MRPL48: variants seen among roughly 807,000 people sequenced by gnomAD.
MRPL48 encodes large ribosomal subunit protein mL48.
A neutral mutation model predicts 32.9 loss-of-function variants in MRPL48; 16 were observed. The observed-to-expected ratio is 0.49, with a 90% CI of 0.33 to 0.74. MRPL48 has a LOEUF of 0.74. MRPL48 is among the 30% of genes least tolerant of loss of function. The pLI is 0.02. For synonymous variants in MRPL48, 94 were observed against 89.2 expected, an observed-to-expected ratio of 1.05 and a Z score of -0.31; for missense variants, 206 against 245.3, an observed-to-expected ratio of 0.84 and a Z score of 1.07.
intron 1 of MRPL48, among the ~76,000 whole-genome samples, chr11:73,804,248 A>G (rs1016737208): frequency 2.0e-5 from 3 of 150,426 alleles, no homozygotes; most frequent in Non-Finnish European, 4.4e-5. Context: ...ACAGTGTACT[A>G]TAATAGAGGC....
chr11:73,808,815 C>T (rs1459907379), intron 3 of MRPL48, among the ~76,000 whole-genome samples: 1 of 151,822 alleles, frequency 6.6e-6, no homozygotes, highest in Non-Finnish European at 1.5e-5. Context: ...CCCAGCTACT[C>T]GGGAGGCCGA....
At chr11:73,795,496 T>G (rs1443059440) in intron 1 of MRPL48, among the ~76,000 whole-genome samples, 1 of 151,848 alleles carries the variant, frequency 6.6e-6, no homozygotes, top group African/African-American at 2.4e-5. Flanking sequence ...AAAATATAAT[T>G]CATTTATTAT....
chr11:73,855,738 G>A (rs562080356), intron 5 of MRPL48, among the ~76,000 whole-genome samples: 1 of 152,140 alleles, frequency 6.6e-6, no homozygotes, highest in Admixed American at 6.5e-5. Context: ...CACCTGCCTC[G>A]GCCTCCCAAA....
chr11:73,852,112 G>A (rs1232175400), intron 5 of MRPL48, among the ~76,000 whole-genome samples: 1 of 152,152 alleles, frequency 6.6e-6, no homozygotes, highest in East Asian at 1.9e-4. Flanking sequence ...ATGCCAAAAT[G>A]TACATTAATA....
chr11:73,800,672 C>A (rs990417432), intron 1 of MRPL48, among the ~76,000 whole-genome samples: 1 of 152,080 alleles, frequency 6.6e-6, no homozygotes. Context: ...GATACAGTCC[C>A]AAAATAGATT....
intron 4 of MRPL48, among the ~76,000 whole-genome samples, chr11:73,836,087 C>T (rs1258806613): frequency 6.6e-6 from 1 of 150,778 alleles, no homozygotes. Context: ...GTGTGCACCT[C>T]CATGCCCAGC....
chr11:73,802,775 T>C (rs1411502460), intron 1 of MRPL48, among the ~76,000 whole-genome samples: 3 of 152,040 alleles, frequency 2.0e-5, no homozygotes, highest in African/African-American at 4.8e-5. Flanking sequence ...TCACGGCTTA[T>C]TGCAGCCTCA....
intron 3 of MRPL48, among the ~76,000 whole-genome samples, chr11:73,813,389 G>T (rs1433708969): frequency 2.6e-5 from 4 of 151,874 alleles, no homozygotes; most frequent in African/African-American, 4.8e-5. Context: ...GGTCAGGCTG[G>T]TCTCTAACTC....
At chr11:73,826,610 C>T (rs994344832) in intron 4 of MRPL48, among the ~76,000 whole-genome samples, 1 of 151,990 alleles carries the variant, frequency 6.6e-6, no homozygotes, top group African/African-American at 2.4e-5. Context: ...TCCCAAGTGG[C>T]AGGGATTATA....
At chr11:73,815,756 C>T (rs997158099) in intron 3 of MRPL48, among the ~76,000 whole-genome samples, 2 of 151,724 alleles carry the variant, frequency 1.3e-5, no homozygotes, top group African/African-American at 4.8e-5. Flanking sequence ...GGACCGCTCG[C>T]TCTGTCACCC....
chr11:73,861,576 T>C (rs1437819515), intron 6 of MRPL48, among the ~76,000 whole-genome samples: 2 of 152,062 alleles, frequency 1.3e-5, no homozygotes, highest in African/African-American at 4.8e-5. Flanking sequence ...TCCATGTTGG[T>C]TAGGCTGGTC....
Position 73,864,380 on chromosome 11 carries a change from AC to A in MRPL48, c.*13del. On this transcript the variant is annotated 3_prime_UTR_variant, in exon 8 of 8. Coordinates refer to ENST00000310614, the MANE Select transcript of MRPL48 (RefSeq NM_016055.6). ...GGCCAAGTTGAAGTAGCTACTGTAG[AC>A]CCTTTCATGCCAGCAGTGGTCATAT... The A allele has an allele frequency of 6.2e-7, 1 of 1,613,458 alleles. No individual in the cohort carries two copies. Among genetic ancestry groups the A allele is most frequent in the Non-Finnish European group, 8.5e-7 (1 of 1,179,652 alleles).
chr11:73,827,117 G>C (rs1241300521), intron 4 of MRPL48, among the ~76,000 whole-genome samples: 1 of 151,522 alleles, frequency 6.6e-6, no homozygotes, highest in East Asian at 2.0e-4. Context: ...GGGTGTGGTG[G>C]CTTACACCTG....
At chr11:73,806,272 T>C (rs1244562237) in intron 2 of MRPL48, among the ~76,000 whole-genome samples, 1 of 152,210 alleles carries the variant, frequency 6.6e-6, no homozygotes, top group Non-Finnish European at 1.5e-5. Context: ...TTCCATAATC[T>C]GTATCCTCAT....
intron 3 of MRPL48, among the ~76,000 whole-genome samples, chr11:73,820,112 A>G (rs994414577): frequency 1.3e-5 from 2 of 152,188 alleles, no homozygotes; most frequent in South Asian, 4.1e-4. Flanking sequence ...AAGAACCAAA[A>G]TGATCTTTTA....
intron 6 of MRPL48, among the ~76,000 whole-genome samples, chr11:73,861,133 T>C: frequency 6.6e-6 from 1 of 152,330 alleles, no homozygotes; most frequent in East Asian, 1.9e-4. Flanking sequence ...AATATTAAAT[T>C]TAAGTCTAAA....
intron 5 of MRPL48, chr11:73,850,405 G>C (rs1485509314): frequency 3.3e-5 from 8 of 242,178 alleles, no homozygotes; most frequent in Non-Finnish European, 5.6e-5. Context: ...CTTGATATCT[G>C]TCATACTTAC....
chr11:73,819,885 G>A lies in MRPL48; in HGVS notation c.113-5823G>A, dbSNP rs568225953. ...TGCCCCCCAGCCTGGGCAACAGAGC[G>A]GTTCCTGTCTCAAAACAAGCAAACA... On this transcript the variant is annotated intron_variant, in intron 3 of 7. Transcript: ENST00000310614. 1.1e-4 allele frequency among the ~76,000 whole-genome samples: 17 copies of A among 152,224 alleles called. No homozygotes were observed. In the East Asian group the frequency reaches 2.3e-3, roughly 21 times the overall value.
intron 6 of MRPL48, among the ~76,000 whole-genome samples, chr11:73,862,372 A>G (rs1948597945): frequency 6.6e-6 from 1 of 152,178 alleles, no homozygotes; most frequent in Non-Finnish European, 1.5e-5. Flanking sequence ...CAGTGAGCCA[A>G]GATTGCACCA....
Sources: gnomAD v4.1 joint callset for allele counts (sites outside exome capture counted in the v4.1 genomes callset) on GRCh38, gnomAD v4.1.1 for gene constraint, MANE v1.5 for transcripts, NCBI Gene and HGNC (gene_info 2026-07-23, HGNC 2026-07-21) for gene names.